Variants in ANK3 observed in about 807,000 individuals in gnomAD.
The protein encoded by ANK3 is ankyrin 3.
Under a neutral mutation model 370.9 loss-of-function variants are expected in ANK3, and 57 were observed. The ratio of observed to expected loss-of-function variants is 0.15; its 90% CI spans 0.12 to 0.19. The LOEUF is 0.19. ANK3 is among the 10% of genes least tolerant of loss of function. The probability of loss-of-function intolerance (pLI) is 1.00; values close to 1 mark genes in which losing one functional copy is unlikely to be tolerated. For synonymous variants in ANK3, 1,929 were observed against 1,946.3 expected (o/e 0.99, Z 0.23); for missense variants, 4,439 against 5,302.1 (o/e 0.84, Z 5.06).
Position 60,395,634 on chromosome 10 carries a change from C to CTTTCGT in ANK3, c.97-115996_97-115995insACGAAA, listed in dbSNP as rs61036792. On this transcript the variant is annotated intron_variant, in intron 2 of 43. Coordinates refer to the ANK3 transcript ENST00000373827. ...TCTCTTTCGTTCTCTCTCTCTCTCT[C>CTTTCGT]TCTCTCTCTCTCTCTCTTTCTTTCT... Among the ~76,000 whole-genome samples, 242 of 143,508 alleles carry CTTTCGT rather than the reference C, an allele frequency of 1.7e-3. 2 individuals are homozygous for CTTTCGT. The highest frequency in any genetic ancestry group is 0.014 in the Middle Eastern group (4 of 280). 94.1% of individuals were successfully genotyped at this position (143,508 alleles called of 152,430 possible).
At chr10:60,170,765 T>G (rs561544401) in intron 21 of ANK3, among the ~76,000 whole-genome samples, 1 of 152,186 alleles carries the variant, frequency 6.6e-6, no homozygotes, top group African/African-American at 2.4e-5. Context: ...TTTCAGTTGA[T>G]TTTTTGAAGT....
intron 2 of ANK3, among the ~76,000 whole-genome samples, chr10:60,426,097 A>G (rs1208409354): frequency 6.6e-6 from 1 of 152,098 alleles, no homozygotes; most frequent in Non-Finnish European, 1.5e-5. Flanking sequence ...ACAAATGTTT[A>G]CCAGTTTTTA....
At chr10:60,092,912 T>G (rs1486638807) in intron 28 of ANK3, among the ~76,000 whole-genome samples, 2 of 152,252 alleles carry the variant, frequency 1.3e-5, no homozygotes, top group South Asian at 4.1e-4. Flanking sequence ...ATTTTTGTAT[T>G]TTTAGTAGAG....
At chr10:60,366,883 G>C (rs2132763937) in intron 1 of ANK3, among the ~76,000 whole-genome samples, 1 of 152,176 alleles carries the variant, frequency 6.6e-6, no homozygotes, top group East Asian at 1.9e-4. Context: ...TGTCCTTGGA[G>C]GTCCTTCTCA....
intron 1 of ANK3, among the ~76,000 whole-genome samples, chr10:60,697,988 T>C (rs1484425554): frequency 6.6e-6 from 1 of 151,186 alleles, no homozygotes; most frequent in African/African-American, 2.4e-5. Flanking sequence ...TGGGAGAAAA[T>C]TTTCACAACC....
At chr10:60,701,650 C>T (rs189515522) in intron 1 of ANK3, among the ~76,000 whole-genome samples, 1 of 152,260 alleles carries the variant, frequency 6.6e-6, no homozygotes, top group East Asian at 1.9e-4. Flanking sequence ...GTATAGCATG[C>T]TACATTTATC....
chr10:60,411,096 C>T (rs979799215), intron 2 of ANK3, among the ~76,000 whole-genome samples: 5 of 152,278 alleles, frequency 3.3e-5, no homozygotes, highest in South Asian at 4.1e-4. Context: ...AGCTGGAAGG[C>T]GCTTGGTTTC....
intron 1 of ANK3, among the ~76,000 whole-genome samples, chr10:60,321,206 T>G (rs1242942462): frequency 6.6e-6 from 1 of 151,924 alleles, no homozygotes; most frequent in African/African-American, 2.4e-5. Flanking sequence ...CCTGGCAGCA[T>G]GAGACCCTCT....
rs537888314 is a variant in ANK3, at chr10:60,643,390, A to G, written c.58-28166T>C. On this transcript the variant is annotated intron_variant, in intron 1 of 43. Coordinates refer to the ANK3 transcript ENST00000373827. The stretch of plus-strand genomic sequence containing the variant: ...GGATGCTTGCTGCCCTCCGACTCCA[A>G]GCTCTTCAGTTTTGAAACTCGGACT... Among the ~76,000 whole-genome samples, 10 of 152,176 alleles carry G rather than the reference A, an allele frequency of 6.6e-5. No homozygotes were observed. The East Asian group carries it at 1.9e-3, about 29-fold the overall frequency.
intron 1 of ANK3, among the ~76,000 whole-genome samples, chr10:60,331,035 C>T (rs1047780972): frequency 8.6e-5 from 13 of 151,712 alleles, no homozygotes; most frequent in African/African-American, 2.9e-4. Context: ...CCAAACACTG[C>T]ATGTTCTCAC....
chr10:60,364,121 C>T (rs1720480478), intron 1 of ANK3, among the ~76,000 whole-genome samples: 1 of 151,570 alleles, frequency 6.6e-6, no homozygotes, highest in African/African-American at 2.4e-5. Flanking sequence ...TGGTGAAGCC[C>T]TGTTTCTACT....
intron 9 of ANK3, among the ~76,000 whole-genome samples, chr10:60,209,016 GAATA>G (rs2096807411): frequency 2.0e-5 from 3 of 152,108 alleles, no homozygotes; most frequent in South Asian, 2.1e-4. Flanking sequence ...AGAGCAGAGA[GAATA>G]AATAAATAGG....
At chr10:60,457,068 C>A (rs920477564) in intron 2 of ANK3, among the ~76,000 whole-genome samples, 1 of 152,114 alleles carries the variant, frequency 6.6e-6, no homozygotes, top group African/African-American at 2.4e-5. Context: ...GGGCATATTT[C>A]TTAGGAAGTT....
chr10:60,357,374 T>C (rs2057924674), intron 1 of ANK3, among the ~76,000 whole-genome samples: 1 of 152,180 alleles, frequency 6.6e-6, no homozygotes, highest in Non-Finnish European at 1.5e-5. Context: ...CAGACCTTCA[T>C]ATCCAGACTC....
At chr10:60,670,110 C>A (rs2079047468) in intron 1 of ANK3, among the ~76,000 whole-genome samples, 1 of 152,130 alleles carries the variant, frequency 6.6e-6, no homozygotes, top group South Asian at 2.1e-4. Context: ...AGGCATGAAC[C>A]ACTGTGCCCA....
chr10:60,069,539 A>G lies in ANK3; in HGVS notation c.11342T>C (p.Phe3781Ser). The G allele has an allele frequency of 6.2e-7, 1 of 1,612,750 alleles. No individual in the cohort carries two copies. The highest frequency in any genetic ancestry group is 8.5e-7 in the Non-Finnish European group (1 of 1,179,726). ...GTTGTTATTAAAGTTATCTTTTTGA[A>G]AATCATGTTTTTCATGGGGCCTAAC... Reference protein sequence around the residue: ...MGVRPHEKHDFQKDNFNNNNN... With the variant: ...MGVRPHEKHDSQKDNFNNNNN... Residue 3781 changes from phenylalanine (F) to serine (S), a missense_variant, in exon 37 of 44, where the codon TTT becomes TCT. By Grantham distance (155) the Phe-to-Ser change is radical. Coordinates refer to ENST00000280772, the MANE Select transcript of ANK3 (RefSeq NM_020987.5).
chr10:60,379,409 T>C (rs1001307817), intron 1 of ANK3, among the ~76,000 whole-genome samples: 1 of 152,122 alleles, frequency 6.6e-6, no homozygotes, highest in Admixed American at 6.6e-5. Context: ...AAAAGACATC[T>C]GCACTCCTAT....
rs1592956580 is a variant in ANK3 at position 60,279,107 on chromosome 10, A to G, written c.258T>C (p.His86=). The change falls in exon 3 of 44, where the codon CAT becomes CAC. Residue 86 remains histidine (H), a synonymous_variant. Transcript: ENST00000280772. ...NALHLASKEG[H]VEVVSELLQR... ...GCAGCAGCTCAGAAACAACCTCTAC[A>G]TGGCCTTCTTTGGAAGCAAGGTGGA... 3 of 1,613,896 alleles carry G rather than the reference A, an allele frequency of 1.9e-6. No homozygotes were observed. The highest frequency in any genetic ancestry group is 2.5e-6 in the Non-Finnish European group (3 of 1,179,902).
chr10:60,657,821 G>A (rs1398347436), intron 1 of ANK3, among the ~76,000 whole-genome samples: 1 of 151,972 alleles, frequency 6.6e-6, no homozygotes, highest in African/African-American at 2.4e-5. Context: ...TAAGAGATGT[G>A]TCTGTAACTA....
Sources: gnomAD v4.1 joint callset for allele counts (sites outside exome capture counted in the v4.1 genomes callset) on GRCh38, gnomAD v4.1.1 for gene constraint, MANE v1.5 for transcripts, NCBI Gene and HGNC (gene_info 2026-07-23, HGNC 2026-07-21) for gene names.